Variants in LMNA observed in about 807,000 individuals in gnomAD.
The protein encoded by LMNA is lamin.
A neutral mutation model predicts 70.4 loss-of-function variants in LMNA; 20 were observed. The ratio of observed to expected loss-of-function variants is 0.28; its 90% CI spans 0.20 to 0.41. LMNA has a LOEUF of 0.41. Among genes scored for constraint, LMNA ranks in the 10% least tolerant of loss-of-function variants. The probability of loss-of-function intolerance (pLI) is 1.00; values close to 1 mark genes in which losing one functional copy is unlikely to be tolerated. For synonymous variants in LMNA, 339 were observed against 372.8 expected (o/e 0.91, Z 1.04); for missense variants, 652 against 917.2 (o/e 0.71, Z 3.73).
chr1:156,136,192 C>G lies in LMNA; in HGVS notation c.1158-22C>G. ...CGGCAACTGGCCTTGACTAGACCCC[C>G]ACTTGGTCTCCCTCTCCCCAGGCTA... On this transcript the variant is annotated intron_variant, in intron 6 of 11. Transcript: ENST00000368300. The surrounding 1 kb of genome is among the most constrained non-coding windows in gnomAD (Gnocchi z 6.1). The G allele has an allele frequency of 1.2e-6, 2 of 1,612,440 alleles. No homozygotes were observed. The highest frequency in any genetic ancestry group is 1.7e-6 in the Non-Finnish European group (2 of 1,179,270).
chr1:156,110,429 A>G (rs1226247905), upstream of LMNA, among the ~76,000 whole-genome samples: 1 of 152,238 alleles, frequency 6.6e-6, no homozygotes, highest in Non-Finnish European at 1.5e-5. Context: ...CTTCAAATGT[A>G]TGTAACCTTA....
chr1:156,126,989 G>C (rs1009861586), intron 1 of LMNA: 1 of 1,417,116 alleles, frequency 7.1e-7, no homozygotes, highest in African/African-American at 1.4e-5. Context: ...AGGGGCCCAG[G>C]TTCCCACCCT....
chr1:156,111,275 C>T (rs1402737395), upstream of LMNA, among the ~76,000 whole-genome samples: 1 of 151,918 alleles, frequency 6.6e-6, no homozygotes, highest in East Asian at 1.9e-4. Context: ...ATGGTGAAAC[C>T]TCATCTCTAC....
In LMNA at chr1:156,134,651, G is replaced by T. The variant is rs1651374669; in HGVS notation, c.639+123G>T. On this transcript the variant is annotated intron_variant, in intron 3 of 11. Transcript: ENST00000368300. This position sits in a 1 kb window ranked among gnomAD's most constrained non-coding sequence, Gnocchi z 5.3. ...TGAGTCCCTTGCCCTAGTGGACAGG[G>T]AGTTGGGGGTGGCCAGCACTCAGCT... 1.9e-6 allele frequency: 3 copies of T among 1,547,354 alleles called. No individual in the cohort carries two copies. The highest frequency in any genetic ancestry group is 2.7e-6 in the Non-Finnish European group (3 of 1,123,934).
chr1:156,102,082 C>G (rs1259637141), intron 3 of LMNA, among the ~76,000 whole-genome samples: 1 of 152,230 alleles, frequency 6.6e-6, no homozygotes, highest in Non-Finnish European at 1.5e-5. Flanking sequence ...CTCGCCTTCC[C>G]TAGTCTCTCT....
intron 3 of LMNA, chr1:156,090,712 G>T (rs1414088451): frequency 3.3e-5 from 5 of 152,512 alleles, no homozygotes; most frequent in African/African-American, 4.8e-5. Context: ...CCTGGATGAA[G>T]TAGATCTGAA....
chr1:156,113,227 C>T (rs1482382812), upstream of LMNA, among the ~76,000 whole-genome samples: 1 of 152,034 alleles, frequency 6.6e-6, no homozygotes, highest in Non-Finnish European at 1.5e-5. Context: ...TCTCTTGAAC[C>T]CGGGAGGTGG....
rs1483977752 is a variant in LMNA, at chr1:156,139,484, C to G, written c.*378C>G. 2 of 1,326,872 alleles carry G rather than the reference C, an allele frequency of 1.5e-6. No homozygotes were observed. Among genetic ancestry groups the G allele is most frequent in the Non-Finnish European group, 9.6e-7 (1 of 1,040,272 alleles). The allele number at this position is 1,326,872 out of a possible 1,614,324, so 82.2% of individuals were successfully genotyped here. On this transcript the variant is annotated 3_prime_UTR_variant, in exon 12 of 12. Coordinates refer to ENST00000368300, the MANE Select transcript of LMNA (RefSeq NM_170707.4). ...TGCTTTTCTGCCCTGGCTGCTGCCC[C>G]CACCCCGGGGACCCTGTGACATGGT... is the stretch of plus-strand genomic sequence containing the variant.
intron 2 of LMNA, among the ~76,000 whole-genome samples, chr1:156,132,630 C>A (rs2102872320): frequency 6.6e-6 from 1 of 152,172 alleles, no homozygotes; most frequent in Admixed American, 6.5e-5. Flanking sequence ...CTTCCCAGGC[C>A]CTACCATCAT....
rs1387664085 is a variant in LMNA at position 156,103,372 on chromosome 1, G to GC, written c.-206-11336dup. Among the ~76,000 whole-genome samples the GC allele has an allele frequency of 1.3e-5, 2 of 152,124 alleles. No homozygotes were observed. Among genetic ancestry groups the GC allele is most frequent in the Admixed American group, 6.5e-5 (1 of 15,280 alleles). The stretch of plus-strand genomic sequence containing the variant: ...CCTAATGAGGCCGCCAAGGAAGAGG[G>GC]CCCCCAGTATGCCCCTCTTGTGTGC... On this transcript the variant is annotated intron_variant, in intron 3 of 12. Transcript: ENST00000368301. The surrounding 1 kb of genome is among the most constrained non-coding windows in gnomAD (Gnocchi z 4.7).
chr1:156,126,990 T>G, intron 1 of LMNA: 2 of 1,386,506 alleles, frequency 1.4e-6, no homozygotes, highest in East Asian at 2.5e-5. Flanking sequence ...GGGGCCCAGG[T>G]TCCCACCCTT....
intron 2 of LMNA, among the ~76,000 whole-genome samples, chr1:156,133,894 C>A (rs1651293152): frequency 6.6e-6 from 1 of 152,164 alleles, no homozygotes. Flanking sequence ...CTTCCCAGAG[C>A]CCCCCAAAAG....
At chr1:156,111,318 A>T (rs761802080), upstream of LMNA, among the ~76,000 whole-genome samples, 2 of 151,786 alleles carry the variant, frequency 1.3e-5, no homozygotes, top group Non-Finnish European at 2.9e-5. Flanking sequence ...GCGTGGTGGC[A>T]CACGCCTGTA....
At chr1:156,098,081 C>T (rs1300523342) in intron 3 of LMNA, among the ~76,000 whole-genome samples, 4 of 152,216 alleles carry the variant, frequency 2.6e-5, no homozygotes, top group Non-Finnish European at 5.9e-5. Flanking sequence ...TCTTGTTCAG[C>T]TTTGGGGCCC....
At position 156,138,261 on chromosome 1, in the gene LMNA, C is replaced by T. The variant is rs966529048; in HGVS notation, c.1699-227C>T. The T allele has an allele frequency of 1.7e-6, 1 of 600,310 alleles. No individual in the cohort carries two copies. The highest frequency in any genetic ancestry group is 3.0e-6 in the Non-Finnish European group (1 of 337,886). The allele number at this position is 600,310 out of a possible 1,614,324, so 37.2% of individuals were successfully genotyped here. A position where few individuals can be genotyped will look rare whatever the true frequency, so the allele number is the denominator to read the frequency against. On this transcript the variant is annotated intron_variant, in intron 10 of 11. Transcript: ENST00000368300. This position sits in a 1 kb window ranked among gnomAD's most constrained non-coding sequence, Gnocchi z 5.5. ...CTAGAACAGAGTCAGAGTCACTGCT[C>T]TGGTTCTCTGTCCCCAAGTCTTCCT...
At chr1:156,085,911 C>T (rs887306312) in intron 2 of LMNA, among the ~76,000 whole-genome samples, 1 of 152,182 alleles carries the variant, frequency 6.6e-6, no homozygotes, top group Non-Finnish European at 1.5e-5. Flanking sequence ...CAAAAATTAG[C>T]TGGGCATGGT....
intron 3 of LMNA, among the ~76,000 whole-genome samples, chr1:156,096,762 G>T (rs74116481): frequency 0.024 from 3,678 of 152,358 alleles, 176 homozygotes; most frequent in African/African-American, 0.083. Context: ...GAAGGAGAAG[G>T]TGGGGCTGGT....
At chr1:156,106,347 T>C (rs942209537) in intron 3 of LMNA, among the ~76,000 whole-genome samples, 12 of 152,256 alleles carry the variant, frequency 7.9e-5, no homozygotes, top group African/African-American at 2.9e-4. Flanking sequence ...GCTCCAGTCC[T>C]GGAGTTGTGG....
intron 2 of LMNA, among the ~76,000 whole-genome samples, chr1:156,085,300 C>T (rs1022400128): frequency 3.3e-5 from 5 of 152,198 alleles, no homozygotes; most frequent in Admixed American, 6.5e-5. Context: ...ACGAATCCTT[C>T]GCTCTCTCCC....
Sources: allele counts gnomAD v4.1 joint callset (sites outside exome capture counted in the v4.1 genomes callset), GRCh38; gene constraint gnomAD v4.1.1; non-coding constraint Gnocchi (gnomAD v3.1); transcripts MANE v1.5; gene names NCBI Gene and HGNC (gene_info 2026-07-23, HGNC 2026-07-21).